The following TCF3 variants were observed in gnomAD, a reference collection of about 807,000 sequenced individuals.
TCF3 encodes the protein transcription factor E2-alpha.
A neutral mutation model predicts 72.3 loss-of-function variants in TCF3; 54 were observed. The observed-to-expected ratio is 0.75, with a 90% CI of 0.60 to 0.94. The LOEUF is 0.94. Ranked by LOEUF, TCF3 falls within the 40% of genes least tolerant of loss-of-function variation. The pLI is 0.00. For synonymous variants in TCF3, 525 were observed against 412.6 expected, an observed-to-expected ratio of 1.27 and a Z score of -3.30; for missense variants, 1,078 against 934.4, an observed-to-expected ratio of 1.15 and a Z score of -2.00.
In TCF3 at chr19:1,609,520, C is replaced by A. The variant is rs1318475123; in HGVS notation, c.*2187G>T. ...TTCCCAGGAACTGCTGTTTCTTCCT[C>A]CTCGCGCTGGGTGAATCTCGTTTGA... On this transcript the variant is annotated 3_prime_UTR_variant, in exon 19 of 19. Coordinates refer to ENST00000262965, the MANE Select transcript of TCF3 (RefSeq NM_003200.5). 9.4e-6 allele frequency: 2 copies of A among 213,876 alleles called. No individual in the cohort carries two copies. Among genetic ancestry groups the A allele is most frequent in the Admixed American group, 1.2e-4 (2 of 16,994 alleles). The allele number at this position is 213,876 out of a possible 1,614,324, so 13.2% of individuals were successfully genotyped here. A position where few individuals can be genotyped will look rare whatever the true frequency, so the allele number is the denominator to read the frequency against.
chr19:1,621,203 G>A lies in TCF3; in HGVS notation c.956-12C>T, dbSNP rs1447342482. On this transcript the variant is annotated splice_polypyrimidine_tract_variant and intron_variant, in intron 11 of 18. Coordinates refer to ENST00000262965, the MANE Select transcript of TCF3 (RefSeq NM_003200.5). Reference sequence around the variant, plus strand: ...GGTCCCTCGGGAGCCTGTGGGTGAAGAGAGGTGAGGCCCACGCAGCCCGGC... The same window carrying A: ...GGTCCCTCGGGAGCCTGTGGGTGAAAAGAGGTGAGGCCCACGCAGCCCGGC... 2 of 1,534,530 alleles carry A rather than the reference G, an allele frequency of 1.3e-6. No individual in the cohort carries two copies. The highest frequency in any genetic ancestry group is 1.7e-6 in the Non-Finnish European group (2 of 1,145,782).
chr19:1,612,417 G>A, intron 18 of TCF3: 2 of 1,608,064 alleles, frequency 1.2e-6, no homozygotes, highest in African/African-American at 2.7e-5. Flanking sequence ...TCCAGGGACA[G>A]CACCTCGTCC....
At chr19:1,631,618 C>A (rs1019667853) in intron 5 of TCF3, among the ~76,000 whole-genome samples, 1 of 151,966 alleles carries the variant, frequency 6.6e-6, no homozygotes, top group African/African-American at 2.4e-5. Context: ...GGAAAGAGGG[C>A]GGGCGGGCGG....
chr19:1,627,631 C>A (rs543562480), intron 5 of TCF3, among the ~76,000 whole-genome samples: 1 of 152,244 alleles, frequency 6.6e-6, no homozygotes, highest in African/African-American at 2.4e-5. Flanking sequence ...CAGAGCCCTG[C>A]CCTCAGTGTG....
At chr19:1,645,398 G>T (rs1384601149) in intron 3 of TCF3, among the ~76,000 whole-genome samples, 1 of 151,690 alleles carries the variant, frequency 6.6e-6, no homozygotes, top group African/African-American at 2.4e-5. Flanking sequence ...CCGCCCAAAT[G>T]CACATCAGAC....
intron 11 of TCF3, among the ~76,000 whole-genome samples, chr19:1,621,411 TTCTGGGCCTGGGTGGGTGAGTCCCCC>T (rs2062189800): frequency 2.0e-5 from 3 of 150,502 alleles, no homozygotes; most frequent in Non-Finnish European, 3.0e-5. Context: ...GTGAGTCCCC[TTCTGGGCCTGGGTGGGTGAGTCCCCC>T]TCTGGGCCTG....
At chr19:1,649,083 C>T (rs372988658) in intron 2 of TCF3, among the ~76,000 whole-genome samples, 1 of 152,210 alleles carries the variant, frequency 6.6e-6, no homozygotes, top group African/African-American at 2.4e-5. Context: ...GAGAATGGGC[C>T]GTACAGGGAC....
rs2061914009 is a variant in TCF3, at chr19:1,619,483, TG to T, written c.1168-10del. 6 of 1,375,246 alleles carry T rather than the reference TG, an allele frequency of 4.4e-6. No individual in the cohort carries two copies. Among genetic ancestry groups the T allele is most frequent in the Admixed American group, 2.2e-5 (1 of 45,578 alleles). 85.2% of individuals were successfully genotyped at this position (1,375,246 alleles called of 1,614,324 possible). ...TCTTCTATCTTACTCTGCTGCAGGG[TG>T]GGGGGATGGGTGGTGAGGGGCCCAA... On this transcript the variant is annotated splice_polypyrimidine_tract_variant and intron_variant, in intron 14 of 18. Coordinates refer to ENST00000262965, the MANE Select transcript of TCF3 (RefSeq NM_003200.5).
At chr19:1,647,880 T>C (rs890660139) in intron 2 of TCF3, among the ~76,000 whole-genome samples, 2 of 152,156 alleles carry the variant, frequency 1.3e-5, no homozygotes, top group African/African-American at 2.4e-5. Context: ...GACCGAGGGC[T>C]CTGGCTGTGT....
At chr19:1,621,815 C>T (rs768241151) in intron 11 of TCF3, 23 bp downstream of exon 11, 28 of 1,568,758 alleles carry the variant, frequency 1.8e-5, no homozygotes, top group Admixed American at 3.8e-5. Flanking sequence ...TCGGAGAGGC[C>T]GCATCCCAGG....
intron 3 of TCF3, among the ~76,000 whole-genome samples, chr19:1,637,422 G>A (rs984089676): frequency 6.6e-5 from 10 of 152,208 alleles, no homozygotes; most frequent in Non-Finnish European, 1.2e-4. Context: ...TCCCTGGAGG[G>A]CAGAGCTGGC....
Position 1,615,211 on chromosome 19 carries a change from G to T in TCF3, c.1822+74C>A, listed in dbSNP as rs1309499282. ...GGGCTGGCTCCAGGAAGGCGGGCGG[G>T]GAAGGAGAACGAGGGCAGGAACACG... On this transcript the variant is annotated intron_variant, in intron 18 of 18. Transcript: ENST00000262965. The surrounding 1 kb of genome is among the most constrained non-coding windows in gnomAD (Gnocchi z 7.3). 1.3e-6 allele frequency: 2 copies of T among 1,497,018 alleles called. No individual in the cohort carries two copies. The highest frequency in any genetic ancestry group is 1.8e-6 in the Non-Finnish European group (2 of 1,125,006). 92.7% of individuals were successfully genotyped at this position (1,497,018 alleles called of 1,614,324 possible).
intron 18 of TCF3, 87 bp from the exon 19 acceptor site, chr19:1,611,936 G>GT (rs2061030792): frequency 4.6e-6 from 1 of 217,652 alleles, no homozygotes; most frequent in African/African-American, 2.8e-5. Context: ...ATGTCGGGGG[G>GT]GGGGGTGGGG....
rs773522811 is a variant in TCF3, at chr19:1,610,470, C to A, written c.*1237G>T. On this transcript the variant is annotated 3_prime_UTR_variant, in exon 19 of 19. Coordinates refer to ENST00000262965, the MANE Select transcript of TCF3 (RefSeq NM_003200.5). Reference sequence around the variant, plus strand: ...TGCTGGCTCCTGAGCAGCATCCTCTCAGCCAGAGTTCAGAGCATGAGCCTG... The same window carrying A: ...TGCTGGCTCCTGAGCAGCATCCTCTAAGCCAGAGTTCAGAGCATGAGCCTG... The A allele has an allele frequency of 9.1e-5, 21 of 230,924 alleles. No homozygotes were observed. Among genetic ancestry groups the A allele is most frequent in the Non-Finnish European group, 1.6e-4 (19 of 116,826 alleles). 14.3% of individuals were successfully genotyped at this position (230,924 alleles called of 1,614,324 possible).
intron 2 of TCF3, among the ~76,000 whole-genome samples, chr19:1,647,849 A>G (rs2066360932): frequency 6.6e-6 from 1 of 152,196 alleles, no homozygotes; most frequent in African/African-American, 2.4e-5. Flanking sequence ...TTGGAGCATC[A>G]GTTTCCTCTT....
At chr19:1,633,411 G>A (rs2063960996) in intron 3 of TCF3, among the ~76,000 whole-genome samples, 1 of 152,098 alleles carries the variant, frequency 6.6e-6, no homozygotes, top group Non-Finnish European at 1.5e-5. Flanking sequence ...GCCCAGTGCT[G>A]ATGTCTGTGA....
At position 1,619,392 on chromosome 19, in the gene TCF3, G is replaced by A. The variant is rs779358744; in HGVS notation, c.1250C>T (p.Thr417Met). The change falls in exon 15 of 19, where the codon ACG becomes ATG. Residue 417 changes from threonine (T) to methionine (M), a missense_variant. Thr to Met is a moderately conservative substitution (Grantham distance 81, BLOSUM62 -1). Coordinates refer to ENST00000262965, the MANE Select transcript of TCF3 (RefSeq NM_003200.5). ...CAGCGCCCCGTGGCCAGGCAGCAGCGTGTGCATGTCGCCGGCTGTGCCCAC... is the reference window on the plus strand; with the variant it reads ...CAGCGCCCCGTGGCCAGGCAGCAGCATGTGCATGTCGCCGGCTGTGCCCAC... ...HAVGTAGDMHTLLPGHGALAS... is the reference protein window; with the variant it reads ...HAVGTAGDMHMLLPGHGALAS... 7.5e-6 allele frequency: 12 copies of A among 1,593,778 alleles called. No homozygotes were observed. In the Admixed American group the frequency reaches 8.4e-5, roughly 11 times the overall value.
intron 6 of TCF3, among the ~76,000 whole-genome samples, chr19:1,626,981 G>A (rs1215835791): frequency 4.6e-5 from 7 of 152,206 alleles, no homozygotes; most frequent in Non-Finnish European, 7.4e-5. Context: ...TCCTCCCCCA[G>A]CCTCACAACC....
At chr19:1,631,233 G>A (rs1599802684) in intron 5 of TCF3, among the ~76,000 whole-genome samples, 2 of 151,358 alleles carry the variant, frequency 1.3e-5, no homozygotes, top group Non-Finnish European at 3.0e-5. Context: ...CCCAGGTTCC[G>A]TGGTGGGGTG....
Sources: gnomAD v4.1 joint callset for allele counts (sites outside exome capture counted in the v4.1 genomes callset) on GRCh38, gnomAD v4.1.1 for gene constraint, Gnocchi (gnomAD v3.1) non-coding constraint, MANE v1.5 for transcripts, NCBI Gene and HGNC (gene_info 2026-07-23, HGNC 2026-07-21) for gene names.